EIF2AK1: variants seen among roughly 807,000 people sequenced by gnomAD.
EIF2AK1 encodes the protein eukaryotic translation initiation factor 2 alpha kinase 1, also known as eukaryotic translation initiation factor 2-alpha kinase 1.
EIF2AK1 carries 54 observed loss-of-function variants against 77.9 expected under a neutral mutation model. That is an observed-to-expected ratio of 0.69 (90% CI 0.56 to 0.87). The LOEUF is 0.87. EIF2AK1 is among the 40% of genes least tolerant of loss of function. The probability of loss-of-function intolerance (pLI) is 0.00; values close to 1 mark genes in which losing one functional copy is unlikely to be tolerated. For missense variants in EIF2AK1, 810 were observed against 768.6 expected (o/e 1.05, Z -0.64); for synonymous variants, 314 against 290.5 (o/e 1.08, Z -0.82).
At chr7:6,053,667 C>CTTT (rs34358095) in intron 2 of EIF2AK1, among the ~76,000 whole-genome samples, 10 of 117,490 alleles carry the variant, frequency 8.5e-5, no homozygotes, top group Non-Finnish European at 1.2e-4. Context: ...CCAGCCCATT[C>CTTT]TTTTTTTTTT....
At position 6,032,937 on chromosome 7, in the gene EIF2AK1, GTAAGT is replaced by G; in HGVS notation, c.1333-3910_1333-3906del. On this transcript the variant is annotated intron_variant, in intron 11 of 14. Coordinates refer to ENST00000199389, the MANE Select transcript of EIF2AK1 (RefSeq NM_014413.4). The surrounding 1 kb of genome is among the most constrained non-coding windows in gnomAD (Gnocchi z 4.3). ...GGCACGGTGCTGACCCAGAAGTCAG[GTAAGT>G]TAACTCCACCGAAAATCATTTCTTT... The G allele has an allele frequency of 3.9e-6, 6 of 1,548,856 alleles. No homozygotes were observed. Among genetic ancestry groups the G allele is most frequent in the Non-Finnish European group, 5.2e-6 (6 of 1,145,518 alleles).
intron 11 of EIF2AK1, among the ~76,000 whole-genome samples, chr7:6,037,204 G>A (rs75042834): frequency 1.4e-3 from 220 of 151,750 alleles, no homozygotes; most frequent in African/African-American, 5.1e-3. Context: ...GCGCTCCAAC[G>A]TGGGTGACAG....
At position 6,032,726 on chromosome 7, in the gene EIF2AK1, G is replaced by C; in HGVS notation, c.1333-3694C>G. 1 of 779,718 alleles carries C rather than the reference G, an allele frequency of 1.3e-6. No homozygotes were observed. Among genetic ancestry groups the C allele is most frequent in the Non-Finnish European group, 2.0e-6 (1 of 493,696 alleles). 48.3% of individuals were successfully genotyped at this position (779,718 alleles called of 1,614,324 possible). ...TTTCAATGCACATACCAGAAAAAGA[G>C]TGAGCCAATGAGACACTAAATAAAT... is the stretch of plus-strand genomic sequence containing the variant. On this transcript the variant is annotated intron_variant, in intron 11 of 14. Transcript: ENST00000199389. This position sits in a 1 kb window ranked among gnomAD's most constrained non-coding sequence, Gnocchi z 4.3.
At chr7:6,040,417 T>C (rs564980818) in intron 9 of EIF2AK1, among the ~76,000 whole-genome samples, 3 of 152,162 alleles carry the variant, frequency 2.0e-5, no homozygotes, top group South Asian at 2.1e-4. Context: ...AGCGTGGCCA[T>C]GGAAGGAGGG....
rs1414968473 is a variant in EIF2AK1 at position 6,032,880 on chromosome 7, C to A, written c.1333-3848G>T. ...TCCCCATCCATCTGGCTGCCAAGTA[C>A]CACAAGGCCCAGAGTCTGCTCTGCC... On this transcript the variant is annotated intron_variant, in intron 11 of 14. Transcript: ENST00000199389. The surrounding 1 kb of genome is among the most constrained non-coding windows in gnomAD (Gnocchi z 4.3). The A allele has an allele frequency of 3.2e-6, 5 of 1,551,084 alleles. No individual in the cohort carries two copies. The highest frequency in any genetic ancestry group is 3.5e-6 in the Non-Finnish European group (4 of 1,147,036).
intron 7 of EIF2AK1, among the ~76,000 whole-genome samples, chr7:6,044,302 A>C (rs1023215145): frequency 2.0e-5 from 3 of 150,766 alleles, no homozygotes; most frequent in African/African-American, 7.3e-5. Context: ...GTCTCTACTA[A>C]AAAATACCAA....
intron 1 of EIF2AK1, among the ~76,000 whole-genome samples, chr7:6,057,976 C>G (rs978685029): frequency 2.6e-5 from 4 of 152,096 alleles, no homozygotes; most frequent in Non-Finnish European, 4.4e-5. Context: ...GCTAAAACAC[C>G]TGGCAGCAAC....
At chr7:6,041,440 G>A (rs1788294578) in intron 8 of EIF2AK1, among the ~76,000 whole-genome samples, 1 of 152,078 alleles carries the variant, frequency 6.6e-6, no homozygotes, top group Non-Finnish European at 1.5e-5. Context: ...TGGGGAGGAT[G>A]AGGCAGGAAA....
chr7:6,048,718 A>G (rs523276), intron 4 of EIF2AK1, 89 bp downstream of exon 4: 868,073 of 1,058,296 alleles, frequency 0.82, 357,173 homozygotes, highest in East Asian at 0.93. Context: ...TAATACTAAC[A>G]ATATTATGTT....
intron 2 of EIF2AK1, among the ~76,000 whole-genome samples, chr7:6,051,738 T>C (rs1788612766): frequency 1.3e-5 from 2 of 151,924 alleles, no homozygotes; most frequent in Admixed American, 6.6e-5. Context: ...AAGGATATTC[T>C]TTCTGCATCA....
chr7:6,052,584 TAAAAAAAAA>T (rs56106343), intron 2 of EIF2AK1, among the ~76,000 whole-genome samples: 2 of 97,174 alleles, frequency 2.1e-5, no homozygotes, highest in Admixed American at 1.4e-4. Flanking sequence ...ACTGTTTTGG[TAAAAAAAAA>T]AAAAAAAAAA....
Position 6,024,730 on chromosome 7 carries a change from G to A in EIF2AK1, c.1836C>T (p.Asn612=), listed in dbSNP as rs762661581. The A allele has an allele frequency of 5.0e-6, 8 of 1,605,130 alleles. No individual in the cohort carries two copies. In the East Asian group the frequency reaches 1.6e-4, roughly 31 times the overall value. ...TCACCCCTTTGTCTTGAGAAAGGAG[G>A]TTTAGCTGCTTCTTTAGTTCTGCAA... ...KEIAELKKQL[N]LLSQDKGVRD... Residue 612 remains asparagine (N), a synonymous_variant, in exon 15 of 15, where the codon AAC becomes AAT. Transcript: ENST00000199389.
Position 6,054,557 on chromosome 7 carries a change from T to C in EIF2AK1, c.266A>G (p.Gln89Arg). 1.9e-6 allele frequency: 3 copies of C among 1,614,088 alleles called. No homozygotes were observed. The highest frequency in any genetic ancestry group is 2.5e-6 in the Non-Finnish European group (3 of 1,180,014). Residue 89 changes from glutamine to arginine, a missense_variant, in exon 2 of 15, where the codon CAG becomes CGG. This residue lies in a region of EIF2AK1 where 246 missense variants were observed against 199.0 expected (regional missense o/e 1.24). Coordinates refer to ENST00000199389, the MANE Select transcript of EIF2AK1 (RefSeq NM_014413.4). ...VHEPNPLRSR[Q>R]VFKLLCQTFI... ...TTATTCTTACTTACGCTTAAACACCTGTCTTGAACGAAGTGGGTTTGGTTC... is the reference window on the plus strand; with the variant it reads ...TTATTCTTACTTACGCTTAAACACCCGTCTTGAACGAAGTGGGTTTGGTTC...
intron 4 of EIF2AK1, chr7:6,047,312 T>A: frequency 1.6e-6 from 1 of 641,904 alleles, no homozygotes; most frequent in Non-Finnish European, 2.9e-6. Flanking sequence ...TTATTACCGA[T>A]GTTGTACAGC....
chr7:6,039,403 C>T (rs377671778), intron 9 of EIF2AK1, among the ~76,000 whole-genome samples: 4 of 151,562 alleles, frequency 2.6e-5, no homozygotes, highest in East Asian at 3.9e-4. Context: ...AGGTGGATCA[C>T]GAGGTCAGGA....
At position 6,035,595 on chromosome 7, in the gene EIF2AK1, G is replaced by T. The variant is rs774276826; in HGVS notation, c.1332+1829C>A. On this transcript the variant is annotated intron_variant, in intron 11 of 14. Transcript: ENST00000199389. The surrounding 1 kb of genome is among the most constrained non-coding windows in gnomAD (Gnocchi z 5.5). ...ATGTCTCCGCATCTTGTGTGCGCACGGAGCTCAAGTGAACACTCAAGGGGA... is the reference window on the plus strand; with the variant it reads ...ATGTCTCCGCATCTTGTGTGCGCACTGAGCTCAAGTGAACACTCAAGGGGA... 4 of 1,551,026 alleles carry T rather than the reference G, an allele frequency of 2.6e-6. No individual in the cohort carries two copies. In the South Asian group the frequency reaches 3.6e-5, roughly 14 times the overall value.
chr7:6,049,904 G>C lies in EIF2AK1; in HGVS notation c.411+8C>G. The C allele has an allele frequency of 6.2e-7, 1 of 1,604,774 alleles. No homozygotes were observed. Among genetic ancestry groups the C allele is most frequent in the Non-Finnish European group, 8.5e-7 (1 of 1,177,700 alleles). ...TGTCATACCCAAAGTATATTTTTTA[G>C]GGCTTACCTGACGAACTCTCTCTTT... On this transcript the variant is annotated splice_region_variant and intron_variant, in intron 3 of 14. Transcript: ENST00000199389.
chr7:6,028,334 C>T (rs1787809821), intron 13 of EIF2AK1, among the ~76,000 whole-genome samples: 1 of 151,842 alleles, frequency 6.6e-6, no homozygotes, highest in Non-Finnish European at 1.5e-5. Flanking sequence ...TCACTGCAAC[C>T]TCTGCCTCCC....
Position 6,035,820 on chromosome 7 carries a change from G to C in EIF2AK1, c.1332+1604C>G. 6.5e-7 allele frequency: 1 copy of C among 1,549,990 alleles called. No individual in the cohort carries two copies. On this transcript the variant is annotated intron_variant, in intron 11 of 14. Coordinates refer to ENST00000199389, the MANE Select transcript of EIF2AK1 (RefSeq NM_014413.4). The surrounding 1 kb of genome is among the most constrained non-coding windows in gnomAD (Gnocchi z 5.5). ...CTATGGAGCAAACGTCAACTGTGCT[G>C]TCTCTTCCACGGGGAACACGCCCCT...
Sources: gnomAD v4.1 joint callset for allele counts (sites outside exome capture counted in the v4.1 genomes callset) on GRCh38, gnomAD v4.1.1 for gene constraint, gnomAD v4.1.1 regional missense constraint, Gnocchi (gnomAD v3.1) non-coding constraint, MANE v1.5 for transcripts, NCBI Gene and HGNC (gene_info 2026-07-23, HGNC 2026-07-21) for gene names.